The following TEDC2 variants were observed in gnomAD, a reference collection of about 807,000 sequenced individuals.
TEDC2 encodes tubulin epsilon and delta complex 2, also known as tubulin epsilon and delta complex protein 2.
A neutral mutation model predicts 48.1 loss-of-function variants in TEDC2; 49 were observed. That is an observed-to-expected ratio of 1.02 (90% CI 0.81 to 1.29). The LOEUF (loss-of-function observed/expected upper bound fraction) is 1.29. Ranked by LOEUF, TEDC2 falls within the 50% of genes most tolerant of loss-of-function variation. The pLI, the probability that TEDC2 is intolerant of heterozygous loss-of-function variation, is 0.00. For missense variants in TEDC2, 631 were observed against 571.4 expected, an observed-to-expected ratio of 1.10 and a Z score of -1.06; for synonymous variants, 299 against 247.1, an observed-to-expected ratio of 1.21 and a Z score of -1.97.
intron 8 of TEDC2, 60 bp downstream of exon 8, chr16:2,462,792 T>G (rs2065475200): frequency 7.0e-7 from 1 of 1,430,258 alleles, no homozygotes; most frequent in East Asian, 2.5e-5. Flanking sequence ...ACAGGGTGCT[T>G]TAGCCAGGCT....
chr16:2,464,322 A>AG, intron 9 of TEDC2, 93 bp downstream of exon 9: 1 of 1,474,640 alleles, frequency 6.8e-7, no homozygotes, highest in Non-Finnish European at 9.2e-7. Flanking sequence ...CCCAGGACCC[A>AG]GGAGGATGGG....
chr16:2,464,719 T>TTA lies in TEDC2; in HGVS notation c.*51_*52insTA. 1 of 1,607,174 alleles carries TTA rather than the reference T, an allele frequency of 6.2e-7. No individual in the cohort carries two copies. The highest frequency in any genetic ancestry group is 8.5e-7 in the Non-Finnish European group (1 of 1,177,586). On this transcript the variant is annotated 3_prime_UTR_variant, in exon 10 of 10. Coordinates refer to ENST00000361837, the MANE Select transcript of TEDC2 (RefSeq NM_025108.3). ...GTTCAGATGGGGATTGGGGGTGTCT[T>TTA]CCCTGGCACTGTGCTCGGGGACCCA... is the stretch of plus-strand genomic sequence containing the variant.
chr16:2,463,227 A>G (rs1228003793), intron 8 of TEDC2, among the ~76,000 whole-genome samples: 1 of 152,182 alleles, frequency 6.6e-6, no homozygotes, highest in South Asian at 2.1e-4. Context: ...AGGCTGAGGC[A>G]GGAGAATGGC....
intron 4 of TEDC2, 43 bp from the exon 5 acceptor site, chr16:2,461,704 C>T (rs1201485436): frequency 1.2e-6 from 2 of 1,611,982 alleles, no homozygotes; most frequent in African/African-American, 1.3e-5. Context: ...TTGTAGACCC[C>T]AGAGCAAGGC....
At chr16:2,463,847 CA>C (rs1386911859) in intron 8 of TEDC2, 191 bp from the exon 9 acceptor site, 5 of 592,600 alleles carry the variant, frequency 8.4e-6, no homozygotes, top group Non-Finnish European at 1.5e-5. Flanking sequence ...GGCAGAGGGC[CA>C]CCCCACAGAG....
At chr16:2,461,601 C>A (rs2065467140) in intron 4 of TEDC2, 146 bp from the exon 5 acceptor site, 3 of 927,532 alleles carry the variant, frequency 3.2e-6, no homozygotes, top group Non-Finnish European at 5.0e-6. Context: ...ACTCTGGAAG[C>A]CCTATCCAAG....
intron 4 of TEDC2, chr16:2,461,533 C>T: frequency 6.2e-6 from 4 of 650,358 alleles, no homozygotes; most frequent in South Asian, 3.9e-5. Context: ...GGGCCCCGCT[C>T]ACAGGGCCCC....
Position 2,460,541 on chromosome 16 carries a change from C to G in TEDC2, c.126-82C>G. 3.2e-6 allele frequency: 5 copies of G among 1,565,250 alleles called. No individual in the cohort carries two copies. The East Asian group carries it at 6.8e-5, about 21-fold the overall frequency. On this transcript the variant is annotated intron_variant, in intron 2 of 9. Coordinates refer to ENST00000361837, the MANE Select transcript of TEDC2 (RefSeq NM_025108.3). ...TGCAGGCTCTGAGCTGGGGGCCTGC[C>G]GCGGGGCCCGGCGGCCCCCTCGGGT...
rs1178290898 is a variant in TEDC2, at chr16:2,464,739, G to C, written c.*71G>C. ...TGTCTTCCCTGGCACTGTGCTCGGG[G>C]ACCCAGAGATGCCTGTGCTTCCCTG... On this transcript the variant is annotated 3_prime_UTR_variant, in exon 10 of 10. Coordinates refer to ENST00000361837, the MANE Select transcript of TEDC2 (RefSeq NM_025108.3). 1.1e-5 allele frequency: 18 copies of C among 1,585,730 alleles called. No homozygotes were observed. In the East Asian group the frequency reaches 3.2e-4, roughly 28 times the overall value.
rs2065488750 is a variant in TEDC2, at chr16:2,464,580, GGCTGGCCCTGT to G, written c.1217_1227del (p.Leu406ProfsTer21). The G allele has an allele frequency of 1.9e-6, 3 of 1,608,900 alleles. No individual in the cohort carries two copies. Among genetic ancestry groups the G allele is most frequent in the Non-Finnish European group, 2.5e-6 (3 of 1,179,660 alleles). On this transcript the variant is annotated frameshift_variant, in exon 10 of 10. Coordinates refer to ENST00000361837, the MANE Select transcript of TEDC2 (RefSeq NM_025108.3). LOFTEE classifies it high-confidence loss of function. The stretch of plus-strand genomic sequence containing the variant: ...GCTGCACAGCCGCAGGGGCCGCCCT[GGCTGGCCCTGT>G]GCCGGGCTGTGCACAGCCTGCTCTG...
intron 2 of TEDC2, 90 bp downstream of exon 2, chr16:2,460,471 C>T (rs920355456): frequency 6.7e-7 from 1 of 1,503,618 alleles, no homozygotes; most frequent in Non-Finnish European, 9.0e-7. Flanking sequence ...CGGGCGCAGC[C>T]GCCCACTTCG....
rs2065490188 is a variant in TEDC2, at chr16:2,464,715, G to GT, written c.*48dup. On this transcript the variant is annotated 3_prime_UTR_variant, in exon 10 of 10. Coordinates refer to ENST00000361837, the MANE Select transcript of TEDC2 (RefSeq NM_025108.3). Reference sequence around the variant, plus strand: ...GCCTGTTCAGATGGGGATTGGGGGTGTCTTCCCTGGCACTGTGCTCGGGGA... The same window carrying GT: ...GCCTGTTCAGATGGGGATTGGGGGTGTTCTTCCCTGGCACTGTGCTCGGGGA... The GT allele has an allele frequency of 2.5e-6, 4 of 1,608,362 alleles. No homozygotes were observed. Among genetic ancestry groups the GT allele is most frequent in the Non-Finnish European group, 3.4e-6 (4 of 1,178,254 alleles).
chr16:2,462,282 C>A, intron 6 of TEDC2, 43 bp downstream of exon 6: 1 of 1,609,170 alleles, frequency 6.2e-7, no homozygotes, highest in Non-Finnish European at 8.5e-7. Context: ...GCCTCTAGCT[C>A]TGAACCTGGC....
intron 8 of TEDC2, 173 bp from the exon 9 acceptor site, chr16:2,463,866 T>G: frequency 1.4e-6 from 1 of 690,824 alleles, no homozygotes; most frequent in Non-Finnish European, 2.4e-6. Flanking sequence ...GAGGACTCCC[T>G]GCCAGCAAGT....
Position 2,464,708 on chromosome 16 carries a change from T to TG in TEDC2, c.*45dup. On this transcript the variant is annotated 3_prime_UTR_variant, in exon 10 of 10. Transcript: ENST00000361837. ...GCCCTCGGCCTGTTCAGATGGGGAT[T>TG]GGGGGTGTCTTCCCTGGCACTGTGC... The TG allele has an allele frequency of 6.2e-7, 1 of 1,610,490 alleles. No homozygotes were observed. Among genetic ancestry groups the TG allele is most frequent in the Non-Finnish European group, 8.5e-7 (1 of 1,179,172 alleles).
chr16:2,462,190 C>A lies in TEDC2; in HGVS notation c.701C>A (p.Thr234Lys), dbSNP rs570341900. The A allele has an allele frequency of 6.2e-7, 1 of 1,613,336 alleles. No homozygotes were observed. Among genetic ancestry groups the A allele is most frequent in the Admixed American group, 1.7e-5 (1 of 60,032 alleles). ...AGTTCCACACAGACCAGTGATTCCA[C>A]GGATGCCGCCGCTGCCAAAACCCAG... ...QLSSTQTSDS[T>K]DAAAAKTQFL... The change falls in exon 6 of 10, where the codon ACG becomes AAG. Residue 234 changes from threonine (T) to lysine (K), a missense_variant. Physicochemically the swap from Thr to Lys is moderately conservative, Grantham distance 78. Transcript: ENST00000361837.
chr16:2,463,049 C>T (rs1018087105), intron 8 of TEDC2, among the ~76,000 whole-genome samples: 20 of 152,216 alleles, frequency 1.3e-4, no homozygotes, highest in Admixed American at 9.2e-4. Context: ...GGGCCGGGCG[C>T]GGTGGCTCAC....
intron 2 of TEDC2, 95 bp downstream of exon 2, chr16:2,460,476 A>G: frequency 6.7e-7 from 1 of 1,502,100 alleles, no homozygotes; most frequent in South Asian, 1.2e-5. Flanking sequence ...GCAGCCGCCC[A>G]CTTCGGAGCT....
chr16:2,462,800 G>T, intron 8 of TEDC2, 68 bp downstream of exon 8: 1 of 1,392,034 alleles, frequency 7.2e-7, no homozygotes. Context: ...CTTTAGCCAG[G>T]CTTGTCTGCG....
Sources: allele counts gnomAD v4.1 joint callset (sites outside exome capture counted in the v4.1 genomes callset), GRCh38; gene constraint gnomAD v4.1.1; transcripts MANE v1.5; gene names NCBI Gene and HGNC (gene_info 2026-07-23, HGNC 2026-07-21).